The following MTHFD1L variants were observed in gnomAD, a reference collection of about 807,000 sequenced individuals.
MTHFD1L encodes the protein methylenetetrahydrofolate dehydrogenase (NADP+ dependent) 1 like.
A neutral mutation model predicts 119.5 loss-of-function variants in MTHFD1L; 81 were observed. The ratio of observed to expected loss-of-function variants is 0.68; its 90% CI spans 0.57 to 0.82. MTHFD1L has a LOEUF of 0.82. MTHFD1L is among the 40% of genes least tolerant of loss of function. The pLI is 0.00. For missense variants in MTHFD1L, 1,125 were observed against 1,253.4 expected (o/e 0.90, Z 1.55); for synonymous variants, 430 against 475.2 (o/e 0.90, Z 1.24).
intron 27 of MTHFD1L, among the ~76,000 whole-genome samples, chr6:151,094,580 GT>G (rs1235693309): frequency 2.0e-5 from 3 of 151,826 alleles, no homozygotes; most frequent in East Asian, 3.9e-4. Context: ...GTCTTACTCT[GT>G]TGCCAAGGCT....
chr6:151,041,719 C>T (rs1355754142), intron 26 of MTHFD1L: 1 of 488,780 alleles, frequency 2.0e-6, no homozygotes, highest in African/African-American at 2.0e-5. Context: ...CATACAGGCA[C>T]AGAATGCGGC....
chr6:150,967,048 C>G (rs1797313238), intron 19 of MTHFD1L, among the ~76,000 whole-genome samples: 2 of 152,198 alleles, frequency 1.3e-5, no homozygotes, highest in African/African-American at 2.4e-5. Flanking sequence ...ATTCTGCCAG[C>G]ATGCACGTAT....
At chr6:151,100,813 G>A (rs1795309919) in intron 27 of MTHFD1L, among the ~76,000 whole-genome samples, 1 of 151,944 alleles carries the variant, frequency 6.6e-6, no homozygotes, top group Admixed American at 6.6e-5. Context: ...ATTGCTTTCT[G>A]TGCCTACTCT....
intron 26 of MTHFD1L, among the ~76,000 whole-genome samples, chr6:151,082,219 T>C (rs1394462619): frequency 6.6e-6 from 1 of 152,150 alleles, no homozygotes; most frequent in Non-Finnish European, 1.5e-5. Context: ...ATATGACACA[T>C]GAGGAATGGA....
intron 24 of MTHFD1L, among the ~76,000 whole-genome samples, chr6:151,023,982 A>G (rs1427662762): frequency 6.6e-6 from 1 of 152,158 alleles, no homozygotes; most frequent in Non-Finnish European, 1.5e-5. Flanking sequence ...AGGAACAAAC[A>G]TTAAAGGTAC....
intron 26 of MTHFD1L, among the ~76,000 whole-genome samples, chr6:151,082,444 A>G (rs1479547742): frequency 2.0e-5 from 3 of 152,226 alleles, no homozygotes; most frequent in Non-Finnish European, 2.9e-5. Flanking sequence ...TTAGCTTAAC[A>G]TTTGATTGCC....
At chr6:151,050,922 C>A (rs1788930244) in intron 26 of MTHFD1L, among the ~76,000 whole-genome samples, 2 of 152,086 alleles carry the variant, frequency 1.3e-5, no homozygotes, top group Non-Finnish European at 2.9e-5. Context: ...GGTTCACCTC[C>A]CTCCTGGCAC....
chr6:150,918,253 A>G (rs1187411961), intron 8 of MTHFD1L, among the ~76,000 whole-genome samples: 1 of 151,892 alleles, frequency 6.6e-6, no homozygotes, highest in Non-Finnish European at 1.5e-5. Flanking sequence ...TTTAGTAGAG[A>G]TGGGGTTTTG....
chr6:151,082,911 G>C (rs1180950062), intron 26 of MTHFD1L, among the ~76,000 whole-genome samples: 3 of 152,180 alleles, frequency 2.0e-5, no homozygotes, highest in Non-Finnish European at 4.4e-5. Flanking sequence ...TCCCGATAAT[G>C]CTTTGCCCCA....
chr6:151,082,302 T>C (rs1263434977), intron 26 of MTHFD1L, among the ~76,000 whole-genome samples: 1 of 152,236 alleles, frequency 6.6e-6, no homozygotes, highest in African/African-American at 2.4e-5. Flanking sequence ...TCCTAAGGAC[T>C]GAAGGGCCAT....
At chr6:151,070,835 C>A (rs563864539) in intron 26 of MTHFD1L, among the ~76,000 whole-genome samples, 1 of 152,328 alleles carries the variant, frequency 6.6e-6, no homozygotes, top group South Asian at 2.1e-4. Context: ...AATCCCTAAC[C>A]TTTTCCTCAT....
intron 26 of MTHFD1L, chr6:151,057,351 G>A (rs1790093366): frequency 2.0e-6 from 2 of 985,286 alleles, no homozygotes; most frequent in Non-Finnish European, 1.2e-6. Flanking sequence ...TTTAAGGCCT[G>A]AGAGACCGGC....
At chr6:150,896,924 G>A (rs1482034589) in intron 7 of MTHFD1L, among the ~76,000 whole-genome samples, 1 of 151,118 alleles carries the variant, frequency 6.6e-6, no homozygotes, top group Non-Finnish European at 1.5e-5. Context: ...TGGCTAACAC[G>A]GTGAAACCCT....
intron 20 of MTHFD1L, among the ~76,000 whole-genome samples, chr6:150,978,639 T>C (rs538947708): frequency 1.3e-5 from 2 of 152,318 alleles, no homozygotes; most frequent in East Asian, 1.9e-4. Context: ...GCCTTGTTAA[T>C]ATTTTCATTA....
intron 26 of MTHFD1L, among the ~76,000 whole-genome samples, chr6:151,084,970 GA>G (rs3055594): frequency 0.035 from 4,171 of 120,052 alleles, 107 homozygotes; most frequent in South Asian, 0.12. Flanking sequence ...CCATCTCAAA[GA>G]AAAAAAAAAA....
chr6:151,013,467 T>C (rs988459671), intron 21 of MTHFD1L, among the ~76,000 whole-genome samples: 7 of 152,218 alleles, frequency 4.6e-5, no homozygotes, highest in Non-Finnish European at 7.3e-5. Flanking sequence ...TGAACCAATG[T>C]TTGAGAAGTT....
At chr6:150,877,938 G>C in intron 4 of MTHFD1L, 112 bp downstream of exon 4, 2 of 1,201,560 alleles carry the variant, frequency 1.7e-6, no homozygotes, top group Non-Finnish European at 2.4e-6. Flanking sequence ...GCTTGTGACT[G>C]AATGTTAGAG....
chr6:151,069,251 TTCTCTC>T (rs371324778), intron 26 of MTHFD1L, among the ~76,000 whole-genome samples: 40 of 136,682 alleles, frequency 2.9e-4, no homozygotes, highest in Admixed American at 1.6e-3. Flanking sequence ...TTCTCTCTCT[TTCTCTC>T]TCTCTCTCTC....
chr6:151,030,588 G>T (rs1031668040), intron 24 of MTHFD1L, among the ~76,000 whole-genome samples: 1 of 152,218 alleles, frequency 6.6e-6, no homozygotes, highest in African/African-American at 2.4e-5. Flanking sequence ...GCACTTGAGT[G>T]CCCAGCAACA....
Sources: allele counts gnomAD v4.1 joint callset (sites outside exome capture counted in the v4.1 genomes callset), GRCh38; gene constraint gnomAD v4.1.1; transcripts MANE v1.5; gene names NCBI Gene and HGNC (gene_info 2026-07-23, HGNC 2026-07-21).